PPM1L: variants seen among roughly 807,000 people sequenced by gnomAD.
PPM1L encodes the protein protein phosphatase 1L.
In PPM1L, 13 loss-of-function variants were observed where a neutral mutation model predicts 31.4. That is an observed-to-expected ratio of 0.41 (90% CI 0.27 to 0.66). PPM1L has a LOEUF of 0.66. Among genes scored for constraint, PPM1L ranks in the 30% least tolerant of loss-of-function variants. The probability of loss-of-function intolerance (pLI) is 0.29; values close to 1 mark genes in which losing one functional copy is unlikely to be tolerated. For missense variants in PPM1L, 326 were observed against 453.7 expected (o/e 0.72, Z 2.56); for synonymous variants, 184 against 175.4 (o/e 1.05, Z -0.39).
At chr3:160,963,474 T>C (rs1020834636) in intron 2 of PPM1L, among the ~76,000 whole-genome samples, 1 of 152,048 alleles carries the variant, frequency 6.6e-6, no homozygotes, top group African/African-American at 2.4e-5. Flanking sequence ...GTATGAGCTT[T>C]AGAGAAAAAT....
At chr3:160,847,665 AAAAAC>A (rs532604436) in intron 1 of PPM1L, among the ~76,000 whole-genome samples, 1 of 152,090 alleles carries the variant, frequency 6.6e-6, no homozygotes, top group Non-Finnish European at 1.5e-5. Context: ...GGGACATACC[AAAAAC>A]AAAACAAAAC....
Position 161,012,932 on chromosome 3 carries a change from C to T in PPM1L, c.574+51022C>T, listed in dbSNP as rs1331305372. 5.9e-5 allele frequency among the ~76,000 whole-genome samples: 9 copies of T among 152,034 alleles called. No individual in the cohort carries two copies. In the South Asian group the frequency reaches 8.3e-4, roughly 14 times the overall value. Reference sequence around the variant, plus strand: ...TTTTTTTCTTTATTAGTCTTGCTAGCGGTCTATCAATATTGTTGATCCTTT... The same window carrying T: ...TTTTTTTCTTTATTAGTCTTGCTAGTGGTCTATCAATATTGTTGATCCTTT... On this transcript the variant is annotated intron_variant, in intron 2 of 3. Coordinates refer to ENST00000498165, the MANE Select transcript of PPM1L (RefSeq NM_139245.4).
At chr3:160,968,818 C>T (rs1173736575) in intron 2 of PPM1L, among the ~76,000 whole-genome samples, 1 of 152,178 alleles carries the variant, frequency 6.6e-6, no homozygotes, top group Non-Finnish European at 1.5e-5. Flanking sequence ...GGGTAGAATG[C>T]TCAATGGTAG....
intron 1 of PPM1L, among the ~76,000 whole-genome samples, chr3:160,897,816 G>A (rs552091585): frequency 2.0e-5 from 3 of 152,252 alleles, no homozygotes; most frequent in African/African-American, 7.2e-5. Flanking sequence ...ATTCATTTTT[G>A]CATATTTTAA....
chr3:161,042,885 T>C (rs1718951491), intron 2 of PPM1L, among the ~76,000 whole-genome samples: 1 of 151,868 alleles, frequency 6.6e-6, no homozygotes, highest in Admixed American at 6.6e-5. Flanking sequence ...CTGGGCGTAG[T>C]GGCAGGCTCC....
intron 2 of PPM1L, among the ~76,000 whole-genome samples, chr3:161,034,329 A>G (rs1176318212): frequency 2.0e-5 from 3 of 152,318 alleles, no homozygotes; most frequent in African/African-American, 4.8e-5. Flanking sequence ...TGACCCAGCA[A>G]TCCCATTACT....
intron 1 of PPM1L, among the ~76,000 whole-genome samples, chr3:160,786,804 T>C (rs574949008): frequency 2.4e-4 from 37 of 152,262 alleles, no homozygotes; most frequent in Middle Eastern, 3.4e-3. Context: ...AGTGTCCATG[T>C]GTACTCAATG....
chr3:160,993,263 G>A (rs1020742986), intron 2 of PPM1L, among the ~76,000 whole-genome samples: 2 of 152,126 alleles, frequency 1.3e-5, no homozygotes, highest in African/African-American at 2.4e-5. Context: ...GCAGTCTGAG[G>A]TGATGGCCAG....
intron 1 of PPM1L, among the ~76,000 whole-genome samples, chr3:160,760,930 A>T (rs763966896): frequency 1.3e-5 from 2 of 152,182 alleles, no homozygotes; most frequent in African/African-American, 2.4e-5. Flanking sequence ...ATTTTGCATG[A>T]GGGAGAAGCC....
At chr3:160,879,084 A>G (rs1213464993) in intron 1 of PPM1L, among the ~76,000 whole-genome samples, 1 of 152,198 alleles carries the variant, frequency 6.6e-6, no homozygotes, top group Non-Finnish European at 1.5e-5. Flanking sequence ...GAATGTAGCA[A>G]AGAAAGAGAA....
chr3:160,799,628 C>T (rs767632935), intron 1 of PPM1L, among the ~76,000 whole-genome samples: 8 of 152,158 alleles, frequency 5.3e-5, no homozygotes, highest in Admixed American at 5.2e-4. Context: ...GTAACCAAAA[C>T]CTCAGTATCT....
At chr3:161,016,913 T>C (rs1452118479) in intron 2 of PPM1L, among the ~76,000 whole-genome samples, 1 of 152,246 alleles carries the variant, frequency 6.6e-6, no homozygotes, top group Non-Finnish European at 1.5e-5. Flanking sequence ...GAGAAGATTG[T>C]GTTTTCCAGT....
chr3:161,028,281 T>A (rs775713491), intron 2 of PPM1L, among the ~76,000 whole-genome samples: 6 of 151,982 alleles, frequency 3.9e-5, no homozygotes, highest in Non-Finnish European at 7.4e-5. Flanking sequence ...TTCTAAGAAA[T>A]TTTTTTTAAC....
intron 1 of PPM1L, among the ~76,000 whole-genome samples, chr3:160,806,676 G>A (rs751334576): frequency 6.6e-5 from 10 of 152,110 alleles, no homozygotes; most frequent in East Asian, 1.9e-4. Context: ...GAGGCTGAGC[G>A]GGGAGGATTG....
chr3:160,916,091 G>A (rs1029303611), intron 1 of PPM1L, among the ~76,000 whole-genome samples: 7 of 152,132 alleles, frequency 4.6e-5, no homozygotes, highest in Admixed American at 6.5e-5. Flanking sequence ...CTTCTGCACA[G>A]CCAAAGAAAC....
At chr3:160,892,195 G>C (rs1256742669) in intron 1 of PPM1L, among the ~76,000 whole-genome samples, 1 of 152,134 alleles carries the variant, frequency 6.6e-6, no homozygotes. Flanking sequence ...AGTTTAATTG[G>C]CTCACAGTTC....
chr3:160,775,048 A>G (rs1011830090), intron 1 of PPM1L, among the ~76,000 whole-genome samples: 1 of 152,164 alleles, frequency 6.6e-6, no homozygotes, highest in Admixed American at 6.5e-5. Context: ...GCTCATTTTG[A>G]CTGTTAAGTG....
At chr3:160,997,938 C>T (rs1286771868) in intron 2 of PPM1L, among the ~76,000 whole-genome samples, 1 of 152,026 alleles carries the variant, frequency 6.6e-6, no homozygotes, top group African/African-American at 2.4e-5. Context: ...GAAGCAGGAT[C>T]CAAGTACCAC....
intron 1 of PPM1L, among the ~76,000 whole-genome samples, chr3:160,941,356 G>A (rs1715154640): frequency 6.6e-6 from 1 of 152,074 alleles, no homozygotes; most frequent in Non-Finnish European, 1.5e-5. Flanking sequence ...ATTTAGAGGG[G>A]ACAGGGGCAG....
Sources: gnomAD v4.1 joint callset for allele counts (sites outside exome capture counted in the v4.1 genomes callset) on GRCh38, gnomAD v4.1.1 for gene constraint, MANE v1.5 for transcripts, NCBI Gene and HGNC (gene_info 2026-07-23, HGNC 2026-07-21) for gene names.